ADAMTS3: variants seen among roughly 807,000 people sequenced by gnomAD.
ADAMTS3 encodes ADAM metallopeptidase with thrombospondin type 1 motif 3.
In ADAMTS3, 73 loss-of-function variants were observed where a neutral mutation model predicts 129.0. That is an observed-to-expected ratio of 0.57 (90% CI 0.47 to 0.69). ADAMTS3 has a LOEUF of 0.69. Among genes scored for constraint, ADAMTS3 ranks in the 30% least tolerant of loss-of-function variants. The pLI, the probability that ADAMTS3 is intolerant of heterozygous loss-of-function variation, is 0.00. For missense variants in ADAMTS3, 1,457 were observed against 1,514.5 expected (o/e 0.96, Z 0.63); for synonymous variants, 477 against 510.8 (o/e 0.93, Z 0.89).
chr4:72,376,154 T>C (rs1721128145), intron 4 of ADAMTS3, among the ~76,000 whole-genome samples: 1 of 152,110 alleles, frequency 6.6e-6, no homozygotes, highest in Non-Finnish European at 1.5e-5. Context: ...CAAAGAATAA[T>C]GCCTTAGTGT....
At chr4:72,484,559 C>T (rs1267068292) in intron 3 of ADAMTS3, among the ~76,000 whole-genome samples, 1 of 152,162 alleles carries the variant, frequency 6.6e-6, no homozygotes, top group African/African-American at 2.4e-5. Context: ...AAAGATGAAG[C>T]CAGGAAAATT....
chr4:72,416,639 C>T (rs1722312588), intron 3 of ADAMTS3, among the ~76,000 whole-genome samples: 1 of 152,138 alleles, frequency 6.6e-6, no homozygotes, highest in Admixed American at 6.5e-5. Flanking sequence ...CTATGAAATG[C>T]ACATATTTTT....
chr4:72,340,529 A>G (rs959663712), intron 4 of ADAMTS3, among the ~76,000 whole-genome samples: 1 of 152,112 alleles, frequency 6.6e-6, no homozygotes, highest in Non-Finnish European at 1.5e-5. Context: ...TGAGATATCA[A>G]AGTAAGAAGT....
chr4:72,529,259 G>C (rs1345526287), intron 3 of ADAMTS3, among the ~76,000 whole-genome samples: 1 of 152,142 alleles, frequency 6.6e-6, no homozygotes, highest in Admixed American at 6.6e-5. Context: ...CATCAGGGAA[G>C]TATACTGAAA....
intron 4 of ADAMTS3, among the ~76,000 whole-genome samples, chr4:72,356,398 TA>T (rs1157888042): frequency 6.6e-6 from 1 of 151,926 alleles, no homozygotes; most frequent in Non-Finnish European, 1.5e-5. Context: ...ATCTCATATA[TA>T]AATATTAAAA....
intron 3 of ADAMTS3, among the ~76,000 whole-genome samples, chr4:72,530,451 ATT>A (rs1485120472): frequency 4.5e-5 from 4 of 89,736 alleles, no homozygotes; most frequent in South Asian, 3.7e-4. Flanking sequence ...TTTAATATAT[ATT>A]ATATATTAAA....
chr4:72,446,811 T>A lies in ADAMTS3; in HGVS notation c.505-31840A>T, dbSNP rs1335364416. The stretch of plus-strand genomic sequence containing the variant: ...CTCTTTGGATAGAAGGTTGAACTAG[T>A]GAATCTAAGATTTTTTTCTATCCCT... On this transcript the variant is annotated intron_variant, in intron 3 of 21. Coordinates refer to ENST00000286657, the MANE Select transcript of ADAMTS3 (RefSeq NM_014243.3). Among the ~76,000 whole-genome samples the A allele has an allele frequency of 2.0e-5, 3 of 151,666 alleles. No individual in the cohort carries two copies. In the East Asian group the frequency reaches 5.9e-4, roughly 30 times the overall value.
chr4:72,551,234 C>A (rs999966567), intron 2 of ADAMTS3, among the ~76,000 whole-genome samples: 2 of 152,096 alleles, frequency 1.3e-5, no homozygotes, highest in Non-Finnish European at 2.9e-5. Flanking sequence ...GTATATTGTA[C>A]TGATGCATGG....
At chr4:72,374,511 G>A (rs1257332981) in intron 4 of ADAMTS3, among the ~76,000 whole-genome samples, 1 of 152,062 alleles carries the variant, frequency 6.6e-6, no homozygotes, top group Non-Finnish European at 1.5e-5. Flanking sequence ...AGAAAGCTAT[G>A]AATAGAAGAA....
intron 4 of ADAMTS3, among the ~76,000 whole-genome samples, chr4:72,393,006 A>T (rs560848766): frequency 1.2e-4 from 18 of 150,852 alleles, no homozygotes; most frequent in Non-Finnish European, 1.8e-4. Flanking sequence ...GCTCACTACA[A>T]CCTCTGCCTC....
intron 4 of ADAMTS3, among the ~76,000 whole-genome samples, chr4:72,349,827 T>A (rs902012133): frequency 3.9e-5 from 6 of 152,056 alleles, no homozygotes; most frequent in Non-Finnish European, 8.8e-5. Flanking sequence ...TGTATGTTAT[T>A]ATCGCATCAA....
intron 14 of ADAMTS3, 140 bp downstream of exon 14, chr4:72,310,908 T>C (rs1411045128): frequency 1.4e-6 from 1 of 707,808 alleles, no homozygotes; most frequent in Non-Finnish European, 2.0e-6. Context: ...TCAAATTTAT[T>C]TTAGCTATTG....
intron 17 of ADAMTS3, among the ~76,000 whole-genome samples, chr4:72,301,015 CTA>C (rs1718936892): frequency 6.6e-6 from 1 of 152,124 alleles, no homozygotes; most frequent in Admixed American, 6.6e-5. Flanking sequence ...TCCACAGAAA[CTA>C]TAAGTATTGC....
At chr4:72,511,504 A>C (rs1362316582) in intron 3 of ADAMTS3, among the ~76,000 whole-genome samples, 1 of 152,258 alleles carries the variant, frequency 6.6e-6, no homozygotes, top group Non-Finnish European at 1.5e-5. Context: ...GCAAACGGAC[A>C]TACGAAAACG....
intron 3 of ADAMTS3, among the ~76,000 whole-genome samples, chr4:72,538,303 A>G (rs186180460): frequency 1.1e-4 from 16 of 152,346 alleles, no homozygotes; most frequent in Admixed American, 6.5e-4. Flanking sequence ...AACTTCAAGT[A>G]GCATGAATTC....
chr4:72,491,822 G>C (rs972187083), intron 3 of ADAMTS3, among the ~76,000 whole-genome samples: 1 of 151,558 alleles, frequency 6.6e-6, no homozygotes, highest in African/African-American at 2.4e-5. Context: ...TCGATTTTCT[G>C]GAACAGTCTG....
intron 3 of ADAMTS3, among the ~76,000 whole-genome samples, chr4:72,460,555 T>G (rs1380170594): frequency 1.3e-5 from 2 of 151,378 alleles, no homozygotes; most frequent in Admixed American, 1.3e-4. Context: ...GCATAATTTA[T>G]TTTTAAAAAT....
chr4:72,493,022 G>T (rs1307878877), intron 3 of ADAMTS3, among the ~76,000 whole-genome samples: 1 of 151,552 alleles, frequency 6.6e-6, no homozygotes, highest in Admixed American at 6.6e-5. Context: ...TGACTATTTT[G>T]CCAAATATAA....
chr4:72,313,676 C>A lies in ADAMTS3; in HGVS notation c.1745+1G>T. On this transcript the variant is annotated splice_donor_variant, in intron 12 of 21. Coordinates refer to ENST00000286657, the MANE Select transcript of ADAMTS3 (RefSeq NM_014243.3). LOFTEE classifies it high-confidence loss of function. ...AACAAGAGTTACAAGGATATACTCA[C>A]ATGGGATTATTGCACTGGCGTGTTC... is the stretch of plus-strand genomic sequence containing the variant. The A allele has an allele frequency of 6.2e-7, 1 of 1,613,390 alleles. No individual in the cohort carries two copies. The highest frequency in any genetic ancestry group is 2.2e-5 in the East Asian group (1 of 44,744).
Sources: gnomAD v4.1 joint callset for allele counts (sites outside exome capture counted in the v4.1 genomes callset) on GRCh38, gnomAD v4.1.1 for gene constraint, MANE v1.5 for transcripts, NCBI Gene and HGNC (gene_info 2026-07-23, HGNC 2026-07-21) for gene names.